Variants in GPR149 observed in about 807,000 individuals in gnomAD.
GPR149 encodes probable G protein-coupled receptor 149.
In GPR149, 50 loss-of-function variants were observed where a neutral mutation model predicts 50.2. That is an observed-to-expected ratio of 1.00 (90% confidence interval 0.79 to 1.26). The LOEUF (loss-of-function observed/expected upper bound fraction) is 1.26. Among genes scored for constraint, GPR149 ranks in the 50% most tolerant of loss-of-function variants. The probability of loss-of-function intolerance (pLI) is 0.00; values close to 1 mark genes in which losing one functional copy is unlikely to be tolerated. For missense variants in GPR149, 983 were observed against 895.4 expected, an observed-to-expected ratio of 1.10 and a Z score of -1.25; for synonymous variants, 405 against 358.2, an observed-to-expected ratio of 1.13 and a Z score of -1.48.
intron 3 of GPR149, among the ~76,000 whole-genome samples, chr3:154,377,983 A>G (rs1048112076): frequency 2.0e-5 from 3 of 151,912 alleles, no homozygotes; most frequent in Non-Finnish European, 2.9e-5. Flanking sequence ...GGCTTCTCTT[A>G]CTTTGCATAC....
intron 3 of GPR149, among the ~76,000 whole-genome samples, chr3:154,358,763 T>C (rs941536742): frequency 2.0e-5 from 3 of 152,140 alleles, no homozygotes; most frequent in Admixed American, 1.3e-4. Context: ...ATACCCTCTT[T>C]CAATAGGAAA....
intron 2 of GPR149, among the ~76,000 whole-genome samples, chr3:154,426,911 TGTGA>T (rs1197689147): frequency 8.0e-4 from 96 of 120,566 alleles, no homozygotes; most frequent in African/African-American, 2.9e-3. Context: ...TGTGTGTGTG[TGTGA>T]GACAGAGAGA....
chr3:154,406,993 A>G (rs949892524), intron 3 of GPR149, among the ~76,000 whole-genome samples: 1 of 152,170 alleles, frequency 6.6e-6, no homozygotes, highest in African/African-American at 2.4e-5. Context: ...GGCAGGCAAG[A>G]GAGAATGAAA....
chr3:154,357,803 G>A (rs1160631151), intron 3 of GPR149, among the ~76,000 whole-genome samples: 1 of 152,180 alleles, frequency 6.6e-6, no homozygotes, highest in Non-Finnish European at 1.5e-5. Context: ...TACACCCAAA[G>A]GATTATAAAT....
At chr3:154,351,610 A>T (rs1332786094) in intron 3 of GPR149, among the ~76,000 whole-genome samples, 1 of 152,190 alleles carries the variant, frequency 6.6e-6, no homozygotes. Flanking sequence ...TGAACCTGAG[A>T]TTCTGCACTT....
chr3:154,357,187 T>C (rs1460042089), intron 3 of GPR149, among the ~76,000 whole-genome samples: 2 of 152,102 alleles, frequency 1.3e-5, no homozygotes, highest in East Asian at 1.9e-4. Context: ...TAATTCAAGA[T>C]GGATTAAAGA....
chr3:154,338,101 G>A lies in GPR149; in HGVS notation c.1794C>T (p.Gly598=), dbSNP rs768965682. ...KIEVYRSKSV[G]HEPNSEDSSS... is the part of the protein sequence containing the mutation. ...AAGAATCTTCTGAGTTTGGTTCATGGCCAACACTTTTGGATCGATAGACTT... is the reference window on the plus strand; with the variant it reads ...AAGAATCTTCTGAGTTTGGTTCATGACCAACACTTTTGGATCGATAGACTT... Residue 598 remains glycine, a synonymous_variant, in exon 4 of 4, where the codon GGC becomes GGT. Transcript: ENST00000389740. 13 of 1,614,008 alleles carry A rather than the reference G, an allele frequency of 8.1e-6. No individual in the cohort carries two copies. The highest frequency in any genetic ancestry group is 4.5e-5 in the East Asian group (2 of 44,882).
chr3:154,344,035 A>G (rs1713866856), intron 3 of GPR149, among the ~76,000 whole-genome samples: 1 of 152,160 alleles, frequency 6.6e-6, no homozygotes, highest in Non-Finnish European at 1.5e-5. Flanking sequence ...GGCACTCATG[A>G]CTGGAAAGAA....
chr3:154,427,880 G>A (rs1712352237), intron 1 of GPR149, among the ~76,000 whole-genome samples, 172 bp from the exon 2 acceptor site: 2 of 152,186 alleles, frequency 1.3e-5, no homozygotes, highest in South Asian at 4.1e-4. Context: ...TCCTGGGAAC[G>A]GCGGGGCACA....
chr3:154,391,151 T>C (rs921634834), intron 3 of GPR149, among the ~76,000 whole-genome samples: 29 of 151,976 alleles, frequency 1.9e-4, no homozygotes, highest in African/African-American at 6.5e-4. Flanking sequence ...AGGGTAAATA[T>C]AAAGACAAAT....
intron 3 of GPR149, among the ~76,000 whole-genome samples, chr3:154,400,513 A>T (rs1017367637): frequency 6.6e-6 from 1 of 152,144 alleles, no homozygotes; most frequent in African/African-American, 2.4e-5. Context: ...AAAACCAAGG[A>T]GCTTTATATG....
rs747682156 is a variant in GPR149, at chr3:154,421,068, T to C, written c.1594A>G (p.Arg532Gly). 7 of 1,612,246 alleles carry C rather than the reference T, an allele frequency of 4.3e-6. No homozygotes were observed. The highest frequency in any genetic ancestry group is 5.9e-6 in the Non-Finnish European group (7 of 1,179,154). ...CGAGGGGTTCTTTCTGATTTACTCC[T>C]ACACCACTCCCAGTCTGAAAGATCT... ...KPDLSDWEWC[R>G]SKSERTPRQR... is the part of the protein sequence containing the mutation. Residue 532 changes from arginine to glycine, a missense_variant, in exon 3 of 4, where the codon AGG (arginine) becomes GGG (glycine). By Grantham distance (125) the Arg-to-Gly change is moderately radical. Coordinates refer to ENST00000389740, the MANE Select transcript of GPR149 (RefSeq NM_001038705.3).
Position 154,386,180 on chromosome 3 carries a change from T to C in GPR149, c.1623+34859A>G, listed in dbSNP as rs150073517. Among the ~76,000 whole-genome samples, 20 of 152,340 alleles carry C rather than the reference T, an allele frequency of 1.3e-4. No homozygotes were observed. In the East Asian group the frequency reaches 3.9e-3, roughly 29 times the overall value. Reference sequence around the variant, plus strand: ...GGTGAAGTGAGTGTTTTCATCCTCCTTTTTAGTTAAGGGAATTGAGAGTCA... The same window carrying C: ...GGTGAAGTGAGTGTTTTCATCCTCCCTTTTAGTTAAGGGAATTGAGAGTCA... On this transcript the variant is annotated intron_variant, in intron 3 of 3. Transcript: ENST00000389740.
chr3:154,423,652 C>T (rs985135321), intron 2 of GPR149, among the ~76,000 whole-genome samples: 17 of 151,630 alleles, frequency 1.1e-4, no homozygotes, highest in Admixed American at 5.9e-4. Context: ...TGTAAGGGGG[C>T]GAATCCCTAT....
intron 2 of GPR149, 143 bp downstream of exon 2, chr3:154,427,373 G>A: frequency 3.2e-6 from 2 of 630,638 alleles, no homozygotes; most frequent in South Asian, 2.3e-5. Flanking sequence ...ATTGTTTCAT[G>A]TTATAATTTC....
At chr3:154,416,443 C>G (rs10513457) in intron 3 of GPR149, among the ~76,000 whole-genome samples, 2 of 151,498 alleles carry the variant, frequency 1.3e-5, no homozygotes, top group African/African-American at 2.4e-5. Flanking sequence ...ATAAGATACC[C>G]ATTTGACTCG....
chr3:154,357,307 G>T (rs1484349028), intron 3 of GPR149, among the ~76,000 whole-genome samples: 2 of 151,946 alleles, frequency 1.3e-5, no homozygotes, highest in African/African-American at 2.4e-5. Flanking sequence ...AAAACCAATG[G>T]CAACAAAAGC....
intron 3 of GPR149, among the ~76,000 whole-genome samples, chr3:154,357,359 G>T (rs1413294799): frequency 2.0e-5 from 3 of 151,982 alleles, no homozygotes; most frequent in Non-Finnish European, 1.5e-5. Flanking sequence ...AAGAGCTTCT[G>T]CACAGCAAAA....
Position 154,428,997 on chromosome 3 carries a change from C to T in GPR149, c.619G>A (p.Gly207Ser). 6.2e-7 allele frequency: 1 copy of T among 1,613,992 alleles called. No individual in the cohort carries two copies. The highest frequency in any genetic ancestry group is 1.1e-5 in the South Asian group (1 of 91,080). Residue 207 changes from glycine (G) to serine (S), a missense_variant, in exon 1 of 4, where the codon GGC becomes AGC. Transcript: ENST00000389740. Reference protein sequence around the residue: ...VYALAFGLLVGLSVPLTHRLL... With the variant: ...VYALAFGLLVSLSVPLTHRLL... ...CGGTGAGTGAGTGGGACTGAGAGGCCCACGAGGAGTCCGAAGGCCAAAGCG... is the reference window on the plus strand; with the variant it reads ...CGGTGAGTGAGTGGGACTGAGAGGCTCACGAGGAGTCCGAAGGCCAAAGCG...
Sources: gnomAD v4.1 joint callset for allele counts (sites outside exome capture counted in the v4.1 genomes callset) on GRCh38, gnomAD v4.1.1 for gene constraint, MANE v1.5 for transcripts, NCBI Gene and HGNC (gene_info 2026-07-23, HGNC 2026-07-21) for gene names.